PLEKHH2: variants seen among roughly 807,000 people sequenced by gnomAD.
PLEKHH2 encodes the protein pleckstrin homology domain-containing family H member 2.
A neutral mutation model predicts 187.9 loss-of-function variants in PLEKHH2; 129 were observed. The observed-to-expected ratio is 0.69, with a 90% CI of 0.59 to 0.79. The LOEUF (loss-of-function observed/expected upper bound fraction) is 0.79. PLEKHH2 is among the 30% of genes least tolerant of loss of function. PLEKHH2 has a pLI of 0.00. For missense variants in PLEKHH2, 2,076 were observed against 1,751.2 expected (o/e 1.19, Z -3.31); for synonymous variants, 686 against 605.6 (o/e 1.13, Z -1.95).
intron 8 of PLEKHH2, among the ~76,000 whole-genome samples, chr2:43,701,247 C>G (rs1013653800): frequency 6.6e-6 from 1 of 152,220 alleles, no homozygotes; most frequent in African/African-American, 2.4e-5. Flanking sequence ...AACTTACTAC[C>G]TCAAAAAACA....
intron 2 of PLEKHH2, among the ~76,000 whole-genome samples, chr2:43,654,383 G>C (rs1485514859): frequency 2.6e-5 from 4 of 151,798 alleles, no homozygotes; most frequent in Non-Finnish European, 5.9e-5. Context: ...TTTTAGTAGA[G>C]ATGAGGTTTC....
intron 3 of PLEKHH2, among the ~76,000 whole-genome samples, chr2:43,691,494 A>G (rs900158684): frequency 3.9e-5 from 6 of 152,226 alleles, no homozygotes; most frequent in African/African-American, 1.4e-4. Flanking sequence ...AAATAGGTGA[A>G]GGATGGGATC....
chr2:43,715,325 T>C (rs1670164179), intron 15 of PLEKHH2, among the ~76,000 whole-genome samples: 1 of 152,082 alleles, frequency 6.6e-6, no homozygotes, highest in African/African-American at 2.4e-5. Flanking sequence ...CCAGCTGCAC[T>C]AGGAACAAGT....
rs143893625 is a variant in PLEKHH2, at chr2:43,759,375, A to G, written c.4071+346A>G. On this transcript the variant is annotated intron_variant, in intron 27 of 29. Coordinates refer to ENST00000282406, the MANE Select transcript of PLEKHH2 (RefSeq NM_172069.4). ...ATTTACTAAGTTCTGTCTGCTAAAC[A>G]TTGAGCTAAGCTCTAGGGATACATA... 2.1e-4 allele frequency among the ~76,000 whole-genome samples: 32 copies of G among 152,374 alleles called. No homozygotes were observed. In the East Asian group the frequency reaches 6.0e-3, roughly 28 times the overall value.
At chr2:43,649,068 A>T (rs1370245202) in intron 2 of PLEKHH2, among the ~76,000 whole-genome samples, 1 of 152,070 alleles carries the variant, frequency 6.6e-6, no homozygotes, top group African/African-American at 2.4e-5. Context: ...TTTTTTCATC[A>T]CAGTTTCCAA....
rs756262909 is a variant in PLEKHH2, at chr2:43,706,415, G to T, written c.1820G>T (p.Gly607Val). ...ACCCCAGTGTATACAACTTTGAAGGGGGTAACTCATTATTGTTATTGTTAA... is the reference window on the plus strand; with the variant it reads ...ACCCCAGTGTATACAACTTTGAAGGTGGTAACTCATTATTGTTATTGTTAA... The part of the protein sequence containing the change: ...MTTPVYTTLK[G>V]KATQISSSPF... The change falls in exon 10 of 30, where the codon GGG (glycine) becomes GTG (valine). Residue 607 changes from glycine to valine, a missense_variant and splice_region_variant. Coordinates refer to ENST00000282406, the MANE Select transcript of PLEKHH2 (RefSeq NM_172069.4). The T allele has an allele frequency of 6.4e-7, 1 of 1,560,072 alleles. No homozygotes were observed. The highest frequency in any genetic ancestry group is 8.8e-7 in the Non-Finnish European group (1 of 1,135,664).
chr2:43,703,742 C>T (rs898681169), intron 8 of PLEKHH2, among the ~76,000 whole-genome samples: 2 of 151,932 alleles, frequency 1.3e-5, no homozygotes, highest in African/African-American at 4.8e-5. Flanking sequence ...ATTTATCAAA[C>T]AAAAATGTGG....
chr2:43,741,122 G>T (rs1396190921), intron 21 of PLEKHH2, 79 bp downstream of exon 21: 3 of 1,273,136 alleles, frequency 2.4e-6, no homozygotes, highest in African/African-American at 3.0e-5. Context: ...TTAACGATCT[G>T]CCAGGTACAT....
At chr2:43,730,425 G>A (rs1157091568) in intron 18 of PLEKHH2, among the ~76,000 whole-genome samples, 1 of 152,168 alleles carries the variant, frequency 6.6e-6, no homozygotes, top group Admixed American at 6.5e-5. Context: ...TTGAGACGGA[G>A]TCTCACTCTG....
chr2:43,672,144 C>A (rs1377113340), intron 2 of PLEKHH2, among the ~76,000 whole-genome samples: 7 of 152,200 alleles, frequency 4.6e-5, no homozygotes, highest in African/African-American at 1.7e-4. Flanking sequence ...ATGAGCTTTG[C>A]TATTTTGTCC....
intron 2 of PLEKHH2, among the ~76,000 whole-genome samples, chr2:43,652,712 A>C (rs565904907): frequency 1.3e-5 from 2 of 152,172 alleles, no homozygotes; most frequent in Non-Finnish European, 2.9e-5. Flanking sequence ...TTAGTCCTTC[A>C]CCCTTAAACC....
chr2:43,730,590 G>C (rs1434340502), intron 18 of PLEKHH2, among the ~76,000 whole-genome samples: 1 of 152,032 alleles, frequency 6.6e-6, no homozygotes, highest in Non-Finnish European at 1.5e-5. Flanking sequence ...GCAGAGATGG[G>C]GTTTCTTCAT....
intron 3 of PLEKHH2, among the ~76,000 whole-genome samples, chr2:43,688,597 C>T (rs1012390387): frequency 2.6e-5 from 4 of 152,184 alleles, no homozygotes; most frequent in Non-Finnish European, 4.4e-5. Flanking sequence ...GCCCTGGAAG[C>T]TGTATTGGGA....
At chr2:43,740,608 A>G (rs921879326) in intron 20 of PLEKHH2, among the ~76,000 whole-genome samples, 1 of 152,120 alleles carries the variant, frequency 6.6e-6, no homozygotes, top group African/African-American at 2.4e-5. Flanking sequence ...CAAAACTATT[A>G]CTTGTATTTC....
intron 16 of PLEKHH2, among the ~76,000 whole-genome samples, chr2:43,722,402 G>A (rs1452087227): frequency 1.3e-5 from 2 of 152,182 alleles, no homozygotes; most frequent in Non-Finnish European, 2.9e-5. Context: ...AGACAACACT[G>A]AAGATTTCTG....
intron 9 of PLEKHH2, among the ~76,000 whole-genome samples, chr2:43,704,711 CTG>C (rs994601856): frequency 2.2e-5 from 3 of 136,122 alleles, no homozygotes; most frequent in African/African-American, 8.0e-5. Flanking sequence ...ATTTTATGTT[CTG>C]TGTTTTTTCC....
rs1169795363 is a variant in PLEKHH2 at position 43,699,675 on chromosome 2, T to C, written c.717T>C (p.Asp239=). The change falls in exon 8 of 30, where the codon GAT becomes GAC. Residue 239 remains aspartate (D), a synonymous_variant. Coordinates refer to ENST00000282406, the MANE Select transcript of PLEKHH2 (RefSeq NM_172069.4). ...EEMEIPEKSV[D]NQVLENNRGQ... ...TGGAAATTCCAGAAAAGTCTGTTGA[T>C]AACCAAGTTCTAGAAAACAACAGAG... 6.2e-7 allele frequency: 1 copy of C among 1,613,322 alleles called. No individual in the cohort carries two copies. Among genetic ancestry groups the C allele is most frequent in the Non-Finnish European group, 8.5e-7 (1 of 1,179,684 alleles).
rs553992550 is a variant in PLEKHH2 at position 43,647,192 on chromosome 2, A to C, written c.123+2396A>C. Among the ~76,000 whole-genome samples, 4 of 152,332 alleles carry C rather than the reference A, an allele frequency of 2.6e-5. No individual in the cohort carries two copies. In the South Asian group the frequency reaches 8.3e-4, roughly 32 times the overall value. On this transcript the variant is annotated intron_variant, in intron 2 of 29. Transcript: ENST00000282406. ...ACATTTTATTGTGCTCATTTTATAG[A>C]TTAGGAAACTGTTGCTTACTATGCC...
rs922772060 is a variant in PLEKHH2 at position 43,738,365 on chromosome 2, G to A, written c.2968G>A (p.Ala990Thr). The A allele has an allele frequency of 1.9e-6, 3 of 1,610,864 alleles. No individual in the cohort carries two copies. Among genetic ancestry groups the A allele is most frequent in the Admixed American group, 3.3e-5 (2 of 59,774 alleles). The change falls in exon 20 of 30, where the codon GCA (alanine) becomes ACA (threonine). Residue 990 changes from alanine (A) to threonine (T), a missense_variant. Ala to Thr is a moderately conservative substitution (Grantham distance 58). Coordinates refer to ENST00000282406, the MANE Select transcript of PLEKHH2 (RefSeq NM_172069.4). ...FKTCQLFINA[A>T]VDSPAIDYHI... ...GACCTGCCAGCTTTTTATAAATGCT[G>A]CAGTTGACTCTCCTGCAATTGATTA...
Sources: gnomAD v4.1 joint callset for allele counts (sites outside exome capture counted in the v4.1 genomes callset) on GRCh38, gnomAD v4.1.1 for gene constraint, MANE v1.5 for transcripts, NCBI Gene and HGNC (gene_info 2026-07-23, HGNC 2026-07-21) for gene names.